MMAB: variants seen among roughly 807,000 people sequenced by gnomAD.
MMAB encodes the protein corrinoid adenosyltransferase MMAB.
Under a neutral mutation model 30.6 loss-of-function variants are expected in MMAB, and 17 were observed. The ratio of observed to expected loss-of-function variants is 0.56; its 90% CI spans 0.38 to 0.83. The LOEUF is 0.83. Among genes scored for constraint, MMAB ranks in the 40% least tolerant of loss-of-function variants. The pLI is 0.00. For missense variants in MMAB, 311 were observed against 331.6 expected (o/e 0.94, Z 0.48); for synonymous variants, 134 against 138.6 (o/e 0.97, Z 0.23).
chr12:109,573,205 C>A (rs527712220), intron 1 of MMAB, 142 bp downstream of exon 1: 1 of 1,138,166 alleles, frequency 8.8e-7, no homozygotes, highest in East Asian at 2.5e-5. Context: ...ACGTGGCCCA[C>A]GTTGCCATGG....
intron 3 of MMAB, among the ~76,000 whole-genome samples, chr12:109,567,624 C>A (rs998347235): frequency 3.3e-5 from 5 of 152,142 alleles, no homozygotes; most frequent in Non-Finnish European, 5.9e-5. Flanking sequence ...TGGAAGGCAT[C>A]ATTCCCAAGA....
rs1884538906 is a variant in MMAB, at chr12:109,568,985, A to T, written c.197-122T>A. ...CTCTTTTTTGAACAGTCACTCTGTC[A>T]TCCAGGCTGGAGTACAGCGGCGTGA... On this transcript the variant is annotated intron_variant, in intron 2 of 8. Coordinates refer to ENST00000545712, the MANE Select transcript of MMAB (RefSeq NM_052845.4). 3 of 780,600 alleles carry T rather than the reference A, an allele frequency of 3.8e-6. No individual in the cohort carries two copies. The African/African-American group carries it at 5.2e-5, about 14-fold the overall frequency. 48.4% of individuals were successfully genotyped at this position (780,600 alleles called of 1,614,324 possible).
At chr12:109,564,946 G>GTGTGAGCC in intron 4 of MMAB, 173 bp downstream of exon 4, 4 of 733,284 alleles carry the variant, frequency 5.5e-6, no homozygotes, top group Non-Finnish European at 7.5e-6. Context: ...GAGATTGCAG[G>GTGTGAGCC]TGTGAGCCAC....
intron 4 of MMAB, among the ~76,000 whole-genome samples, chr12:109,564,638 CA>C (rs1233855369): frequency 6.6e-6 from 1 of 151,714 alleles, no homozygotes; most frequent in Non-Finnish European, 1.5e-5. Context: ...GTGATGCTCC[CA>C]CCTTGGCCGC....
At chr12:109,557,232 T>C (rs1189352185) in intron 8 of MMAB, 96 bp from the exon 9 acceptor site, 1 of 869,914 alleles carries the variant, frequency 1.1e-6, no homozygotes, top group Non-Finnish European at 1.9e-6. Flanking sequence ...GGAGGAGATA[T>C]AAATGACGCA....
In MMAB at chr12:109,559,123, T is replaced by A. The variant is rs1566131105; in HGVS notation, c.617A>T (p.Asp206Val). ...GTTTAAGAACTTGGCCACGTTCGCA[T>A]CGGTCTCTCCCATCTGGACAAGAGG... ...VVPLVQMGET[D>V]ANVAKFLNRL... The change falls in exon 8 of 9, where the codon GAT becomes GTT. Residue 206 changes from aspartate (D) to valine (V), a missense_variant. Transcript: ENST00000545712. 1.9e-6 allele frequency: 3 copies of A among 1,613,958 alleles called. No homozygotes were observed. The highest frequency in any genetic ancestry group is 8.5e-7 in the Non-Finnish European group (1 of 1,179,942).
chr12:109,556,648 T>TCTCTCTCTCTCTCACACA lies in MMAB; in HGVS notation c.*379_*380insTGTGTGAGAGAGAGAGAG, dbSNP rs1555273916. On this transcript the variant is annotated 3_prime_UTR_variant, in exon 9 of 9. Transcript: ENST00000545712. ...GAGCTGGCAGTGGGAGGGCTCTCTCTCACACACACACACACACACACACAC... is the reference window on the plus strand; with the variant it reads ...GAGCTGGCAGTGGGAGGGCTCTCTCTCTCTCTCTCTCTCACACACACACACACACACACACACACACAC... The TCTCTCTCTCTCTCACACA allele has an allele frequency of 3.3e-6, 1 of 299,376 alleles. No homozygotes were observed. Among genetic ancestry groups the TCTCTCTCTCTCTCACACA allele is most frequent in the African/African-American group, 3.0e-5 (1 of 33,092 alleles). The allele number at this position is 299,376 out of a possible 1,614,324, so 18.5% of individuals were successfully genotyped here.
rs557969828 is a variant in MMAB at position 109,564,761 on chromosome 12, C to T, written c.348+358G>A. The T allele has an allele frequency of 8.2e-5, 32 of 389,840 alleles. No homozygotes were observed. In the East Asian group the frequency reaches 1.3e-3, roughly 15 times the overall value. The allele number at this position is 389,840 out of a possible 1,614,324, so 24.1% of individuals were successfully genotyped here. On this transcript the variant is annotated intron_variant, in intron 4 of 8. Transcript: ENST00000545712. Reference sequence around the variant, plus strand: ...TGGCATGATCACAGCTCACTGCAGCCTTGACCTCCTGGGCTCAAGAGATCC... The same window carrying T: ...TGGCATGATCACAGCTCACTGCAGCTTTGACCTCCTGGGCTCAAGAGATCC...
At chr12:109,566,900 G>T (rs1436949044) in intron 3 of MMAB, 1 of 447,200 alleles carries the variant, frequency 2.2e-6, no homozygotes, top group South Asian at 1.6e-5. Flanking sequence ...ACTTGGTCTT[G>T]TGTCTGCCCT....
intron 3 of MMAB, among the ~76,000 whole-genome samples, chr12:109,565,496 C>T (rs1334782844): frequency 6.6e-6 from 1 of 152,142 alleles, no homozygotes; most frequent in Non-Finnish European, 1.5e-5. Context: ...ACAGGGTGAG[C>T]AGTGACAGTC....
chr12:109,561,594 C>G lies in MMAB; in HGVS notation c.422-77G>C, dbSNP rs1884208657. ...CCATGGCGGGAACCACCCCCGCCGC[C>G]CTTCCACCTGGGTGTCCCGCAGACT... On this transcript the variant is annotated intron_variant, in intron 5 of 8. Coordinates refer to ENST00000545712, the MANE Select transcript of MMAB (RefSeq NM_052845.4). This position sits in a 1 kb window ranked among gnomAD's most constrained non-coding sequence, Gnocchi z 5.3. The G allele has an allele frequency of 7.5e-7, 1 of 1,339,044 alleles. No individual in the cohort carries two copies. The highest frequency in any genetic ancestry group is 1.0e-6 in the Non-Finnish European group (1 of 963,314). The allele number at this position is 1,339,044 out of a possible 1,614,324, so 82.9% of individuals were successfully genotyped here. A position where few individuals can be genotyped will look rare whatever the true frequency, so the allele number is the denominator to read the frequency against.
chr12:109,564,379 GTT>G (rs869192707), intron 4 of MMAB, among the ~76,000 whole-genome samples: 26 of 126,740 alleles, frequency 2.1e-4, no homozygotes, highest in Non-Finnish European at 2.0e-4. Flanking sequence ...GGAGACAGAG[GTT>G]TTTTTTTTTT....
chr12:109,556,932 G>GCCTCTTTGAGCCTCTCTT lies in MMAB; in HGVS notation c.*95_*96insAAGAGAGGCTCAAAGAGG, dbSNP rs777604113. On this transcript the variant is annotated 3_prime_UTR_variant, in exon 9 of 9. Transcript: ENST00000545712. ...AAAAGGCTGCTTTGAGCCTCTCTGG[G>GCCTCTTTGAGCCTCTCTT]TGAGCTCTTCAGGAACCAGGACCCC... 1 of 809,906 alleles carries GCCTCTTTGAGCCTCTCTT rather than the reference G, an allele frequency of 1.2e-6. No individual in the cohort carries two copies. Among genetic ancestry groups the GCCTCTTTGAGCCTCTCTT allele is most frequent in the Non-Finnish European group, 2.1e-6 (1 of 467,170 alleles). The allele number at this position is 809,906 out of a possible 1,614,324, so 50.2% of individuals were successfully genotyped here. A position where few individuals can be genotyped will look rare whatever the true frequency, so the allele number is the denominator to read the frequency against.
intron 7 of MMAB, among the ~76,000 whole-genome samples, chr12:109,559,646 C>T (rs1294002841): frequency 1.3e-5 from 2 of 152,250 alleles, no homozygotes; most frequent in African/African-American, 2.4e-5. Flanking sequence ...TTCCTGGGGT[C>T]CATGCCAGTC....
At chr12:109,567,245 A>G in intron 3 of MMAB, 1 of 353,426 alleles carries the variant, frequency 2.8e-6, no homozygotes. Flanking sequence ...CTCAGGGTGA[A>G]ACATGGAATC....
At position 109,569,043 on chromosome 12, in the gene MMAB, T is replaced by C. The variant is rs997627794; in HGVS notation, c.197-180A>G. Among the ~76,000 whole-genome samples the C allele has an allele frequency of 2.0e-5, 3 of 152,146 alleles. No individual in the cohort carries two copies. Among genetic ancestry groups the C allele is most frequent in the African/African-American group, 7.2e-5 (3 of 41,440 alleles). ...TCACTGCAGCCTCCCCCTCCCAGGT[T>C]CAAGTGATTCTCATGCCTCAGTCTC... is the stretch of plus-strand genomic sequence containing the variant. On this transcript the variant is annotated intron_variant, in intron 2 of 8. Coordinates refer to ENST00000545712, the MANE Select transcript of MMAB (RefSeq NM_052845.4). This position sits in a 1 kb window ranked among gnomAD's most constrained non-coding sequence, Gnocchi z 4.1.
chr12:109,565,925 C>T (rs1342705101), intron 3 of MMAB, among the ~76,000 whole-genome samples: 2 of 152,170 alleles, frequency 1.3e-5, no homozygotes, highest in Admixed American at 1.3e-4. Flanking sequence ...CCTCCTGCAC[C>T]AGTCAGTGCC....
In MMAB at chr12:109,561,694, T is replaced by C. The variant is rs745726979; in HGVS notation, c.421+86A>G. ...GCTAACTGACCCACCCGTGGGTCCC[T>C]GGGGGCCTGGGATCCCAGATGGTGA... On this transcript the variant is annotated intron_variant, in intron 5 of 8. Transcript: ENST00000545712. This position sits in a 1 kb window ranked among gnomAD's most constrained non-coding sequence, Gnocchi z 5.3. 3.6e-6 allele frequency: 5 copies of C among 1,374,494 alleles called. No homozygotes were observed. The highest frequency in any genetic ancestry group is 1.4e-5 in the African/African-American group (1 of 69,646). 85.1% of individuals were successfully genotyped at this position (1,374,494 alleles called of 1,614,324 possible). A position where few individuals can be genotyped will look rare whatever the true frequency, so the allele number is the denominator to read the frequency against.
Position 109,561,685 on chromosome 12 carries a change from G to A in MMAB, c.421+95C>T, listed in dbSNP as rs756735952. 7 of 1,317,870 alleles carry A rather than the reference G, an allele frequency of 5.3e-6. No homozygotes were observed. In the South Asian group the frequency reaches 6.3e-5, roughly 12 times the overall value. The allele number at this position is 1,317,870 out of a possible 1,614,324, so 81.6% of individuals were successfully genotyped here. A position where few individuals can be genotyped will look rare whatever the true frequency, so the allele number is the denominator to read the frequency against. ...ACGAGCAAGGCTAACTGACCCACCC[G>A]TGGGTCCCTGGGGGCCTGGGATCCC... On this transcript the variant is annotated intron_variant, in intron 5 of 8. Transcript: ENST00000545712. The surrounding 1 kb of genome is among the most constrained non-coding windows in gnomAD (Gnocchi z 5.3).
Sources: gnomAD v4.1 joint callset for allele counts (sites outside exome capture counted in the v4.1 genomes callset) on GRCh38, gnomAD v4.1.1 for gene constraint, Gnocchi (gnomAD v3.1) non-coding constraint, MANE v1.5 for transcripts, NCBI Gene and HGNC (gene_info 2026-07-23, HGNC 2026-07-21) for gene names.